The following LIPI variants were observed in gnomAD, a reference collection of about 807,000 sequenced individuals.
The protein encoded by LIPI is lipase member I.
LIPI carries 59 observed loss-of-function variants against 50.6 expected under a neutral mutation model. The observed-to-expected ratio is 1.16, with a 90% CI of 0.94 to 1.45. The LOEUF is 1.45. Among genes scored for constraint, LIPI ranks in the 40% most tolerant of loss-of-function variants. The probability of loss-of-function intolerance (pLI) is 0.00; values close to 1 mark genes in which losing one functional copy is unlikely to be tolerated. For synonymous variants in LIPI, 203 were observed against 178.2 expected (o/e 1.14, Z -1.11); for missense variants, 586 against 536.3 (o/e 1.09, Z -0.92).
At chr21:14,152,513 G>T in intron 8 of LIPI, 60 bp downstream of exon 8, 2 of 794,358 alleles carry the variant, frequency 2.5e-6, no homozygotes, top group Admixed American at 4.1e-5. Context: ...CTGTTGGATG[G>T]GATACTGAAG....
Position 14,165,273 on chromosome 21 carries a change from C to G in LIPI, c.851G>C (p.Ser284Thr). Reference protein sequence around the residue: ...PCRSYKDYKTSLCVDCDCFKE... With the variant: ...PCRSYKDYKTTLCVDCDCFKE... ...AAAACAGTCACAGTCCACACATAAG[C>G]TAGTCTTGTAATCTTTGTATGAACG... The change falls in exon 6 of 10, where the codon AGC becomes ACC. Residue 284 changes from serine (S) to threonine (T), a missense_variant. Physicochemically the swap from Ser to Thr is moderately conservative, Grantham distance 58. Coordinates refer to ENST00000681601, the MANE Select transcript of LIPI (RefSeq NM_001302998.2). 6.2e-7 allele frequency: 1 copy of G among 1,612,926 alleles called. No homozygotes were observed. Among genetic ancestry groups the G allele is most frequent in the African/African-American group, 1.3e-5 (1 of 74,954 alleles).
chr21:14,192,203 G>A (rs548279119), intron 1 of LIPI, among the ~76,000 whole-genome samples: 4 of 152,286 alleles, frequency 2.6e-5, no homozygotes, highest in South Asian at 2.1e-4. Flanking sequence ...GGTGGCTAAC[G>A]CCTGTAATCT....
intron 4 of LIPI, among the ~76,000 whole-genome samples, chr21:14,172,605 C>T (rs1378456220): frequency 6.6e-6 from 1 of 151,750 alleles, no homozygotes; most frequent in Non-Finnish European, 1.5e-5. Context: ...TCTCGGTAAA[C>T]TATCGCAAGA....
At position 14,152,652 on chromosome 21, in the gene LIPI, C is replaced by G; in HGVS notation, c.1039G>C (p.Asp347His). Residue 347 changes from aspartate (D) to histidine (H), a missense_variant, in exon 8 of 10, where the codon GAT becomes CAT. Physicochemically the swap from Asp to His is moderately conservative, Grantham distance 81 (BLOSUM62 -1). Transcript: ENST00000681601. ...AACGAGCCATCCATCATAGTTTTATCTGGAACAATTATACTGAGAACAAAA... is the reference window on the plus strand; with the variant it reads ...AACGAGCCATCCATCATAGTTTTATGTGGAACAATTATACTGAGAACAAAA... Reference protein sequence around the residue: ...YYFVLSIIVPDKTMMDGSFSF... With the variant: ...YYFVLSIIVPHKTMMDGSFSF... The G allele has an allele frequency of 1.3e-6, 2 of 1,549,104 alleles. No homozygotes were observed. Among genetic ancestry groups the G allele is most frequent in the Non-Finnish European group, 1.8e-6 (2 of 1,122,808 alleles).
At chr21:14,126,683 C>T (rs75249145) in intron 9 of LIPI, among the ~76,000 whole-genome samples, 1 of 152,134 alleles carries the variant, frequency 6.6e-6, no homozygotes, top group South Asian at 2.1e-4. Context: ...AGAGGATATG[C>T]ATAAACTATA....
intron 9 of LIPI, among the ~76,000 whole-genome samples, chr21:14,138,007 G>A (rs2017566796): frequency 6.6e-6 from 1 of 152,000 alleles, no homozygotes; most frequent in South Asian, 2.1e-4. Flanking sequence ...GTATATCCAG[G>A]GAAAGTATTT....
intron 8 of LIPI, among the ~76,000 whole-genome samples, chr21:14,151,329 TCA>T (rs1568851469): frequency 6.6e-6 from 1 of 152,212 alleles, no homozygotes; most frequent in African/African-American, 2.4e-5. Flanking sequence ...TTCTCCTGGC[TCA>T]CAGAGTTTAG....
At chr21:14,117,964 G>C (rs935909813) in intron 9 of LIPI, among the ~76,000 whole-genome samples, 4 of 151,992 alleles carry the variant, frequency 2.6e-5, no homozygotes, top group Non-Finnish European at 5.9e-5. Context: ...GGTCACAGTA[G>C]AGGACAAGCT....
chr21:14,188,135 A>C (rs2019520350), intron 2 of LIPI, among the ~76,000 whole-genome samples: 1 of 152,210 alleles, frequency 6.6e-6, no homozygotes, highest in South Asian at 2.1e-4. Context: ...TTTAGGATAG[A>C]CATGGATCTC....
intron 1 of LIPI, among the ~76,000 whole-genome samples, chr21:14,199,811 T>C (rs930215701): frequency 6.6e-6 from 1 of 151,846 alleles, no homozygotes; most frequent in Admixed American, 6.6e-5. Flanking sequence ...ACAAAAAACT[T>C]CAGGCCAATA....
intron 9 of LIPI, among the ~76,000 whole-genome samples, chr21:14,120,633 A>G (rs532252703): frequency 2.6e-5 from 4 of 152,208 alleles, no homozygotes; most frequent in African/African-American, 9.6e-5. Flanking sequence ...GAAAGAAGAG[A>G]CTTATGTTAT....
chr21:14,160,057 A>C (rs2018408462), intron 7 of LIPI, among the ~76,000 whole-genome samples: 1 of 151,404 alleles, frequency 6.6e-6, no homozygotes, highest in Non-Finnish European at 1.5e-5. Context: ...GCTCTCCCCG[A>C]ATTGAAAGAT....
At chr21:14,202,594 A>G (rs1462925932) in intron 1 of LIPI, among the ~76,000 whole-genome samples, 4 of 152,196 alleles carry the variant, frequency 2.6e-5, no homozygotes, top group African/African-American at 9.6e-5. Context: ...AGGATTCCCT[A>G]TTTAATAAAT....
chr21:14,166,817 T>A (rs2123166322), intron 4 of LIPI, among the ~76,000 whole-genome samples: 2 of 152,308 alleles, frequency 1.3e-5, no homozygotes, highest in East Asian at 3.9e-4. Context: ...CATTTCCATC[T>A]GAGGTACCGG....
intron 1 of LIPI, among the ~76,000 whole-genome samples, chr21:14,197,732 C>G (rs547976267): frequency 2.6e-5 from 4 of 151,826 alleles, no homozygotes; most frequent in African/African-American, 9.7e-5. Flanking sequence ...CCCAACCTAC[C>G]GGAGAGGCCA....
intron 1 of LIPI, among the ~76,000 whole-genome samples, chr21:14,198,597 G>A (rs62226903): frequency 0.11 from 16,413 of 151,992 alleles, 936 homozygotes; most frequent in East Asian, 0.14. Flanking sequence ...CCCAACACAG[G>A]AGCACCCAGA....
intron 6 of LIPI, among the ~76,000 whole-genome samples, chr21:14,164,871 T>A (rs563722664): frequency 1.4e-4 from 22 of 152,198 alleles, no homozygotes; most frequent in Admixed American, 1.1e-3. Flanking sequence ...CAAAAAAACC[T>A]CAGTGTTGCC....
chr21:14,205,048 A>C (rs776801461), intron 1 of LIPI, among the ~76,000 whole-genome samples: 3 of 151,828 alleles, frequency 2.0e-5, no homozygotes, highest in Non-Finnish European at 4.4e-5. Context: ...AAAAAGAAAA[A>C]GAATACTATA....
rs2123370271 is a variant in LIPI at position 14,210,813 on chromosome 21, G to A, written c.33C>T (p.Cys11=). ...TTAATATCTTACCAGATCTCACCCAGCACATCAAACAAAGAAAAATGTATA... is the reference window on the plus strand; with the variant it reads ...TTAATATCTTACCAGATCTCACCCAACACATCAAACAAAGAAAAATGTATA... The part of the protein sequence containing the change: MRVYIFLCLM[C]WVRSDNKRPC... The change falls in exon 1 of 10, where the codon TGC becomes TGT. Residue 11 remains cysteine (C), a synonymous_variant. Coordinates refer to ENST00000681601, the MANE Select transcript of LIPI (RefSeq NM_001302998.2). 1 of 1,214,616 alleles carries A rather than the reference G, an allele frequency of 8.2e-7. No individual in the cohort carries two copies. The highest frequency in any genetic ancestry group is 1.6e-5 in the African/African-American group (1 of 63,206). The allele number at this position is 1,214,616 out of a possible 1,614,324, so 75.2% of individuals were successfully genotyped here.
Sources: allele counts gnomAD v4.1 joint callset (sites outside exome capture counted in the v4.1 genomes callset), GRCh38; gene constraint gnomAD v4.1.1; transcripts MANE v1.5; gene names NCBI Gene and HGNC (gene_info 2026-07-23, HGNC 2026-07-21).